Variants in RCOR1 observed in about 807,000 individuals in gnomAD.
RCOR1 encodes REST corepressor 1, also known as REST corepressor.
A neutral mutation model predicts 64.0 loss-of-function variants in RCOR1; 12 were observed. The observed-to-expected ratio is 0.19, with a 90% confidence interval of 0.12 to 0.30. The LOEUF is 0.30. Ranked by LOEUF, RCOR1 falls within the 10% of genes least tolerant of loss-of-function variation. The pLI is 1.00. For missense variants in RCOR1, 502 were observed against 621.2 expected, an observed-to-expected ratio of 0.81 and a Z score of 2.04; for synonymous variants, 279 against 227.2, an observed-to-expected ratio of 1.23 and a Z score of -2.05.
intron 2 of RCOR1, among the ~76,000 whole-genome samples, chr14:102,661,470 A>C (rs752297159): frequency 3.9e-5 from 6 of 152,254 alleles, no homozygotes; most frequent in Non-Finnish European, 7.3e-5. Context: ...ATGAAACTAC[A>C]GTATGTCTAT....
At chr14:102,705,998 G>C (rs1462390191) in intron 4 of RCOR1, among the ~76,000 whole-genome samples, 4 of 150,688 alleles carry the variant, frequency 2.7e-5, no homozygotes, top group African/African-American at 9.8e-5. Flanking sequence ...TGTAGTCCCA[G>C]CTGCTCAGGA....
At chr14:102,593,228 CG>C (rs1213344415) in intron 1 of RCOR1, 37 bp from the exon 2 acceptor site, 1 of 1,482,326 alleles carries the variant, frequency 6.7e-7, no homozygotes, top group Non-Finnish European at 8.9e-7. Flanking sequence ...CCCCGCGCCC[CG>C]CGCCGCGCTG....
intron 2 of RCOR1, among the ~76,000 whole-genome samples, chr14:102,678,069 GGC>G (rs1236190274): frequency 1.3e-5 from 2 of 151,468 alleles, no homozygotes; most frequent in Non-Finnish European, 2.9e-5. Context: ...CAGGCGTGGC[GGC>G]GCGCGCCTGC....
At chr14:102,683,648 C>CCTCT (rs926491398) in intron 3 of RCOR1, among the ~76,000 whole-genome samples, 4 of 152,344 alleles carry the variant, frequency 2.6e-5, no homozygotes, top group Admixed American at 2.0e-4. Context: ...GCCAAGCTCT[C>CCTCT]CTCTGGGGGC....
chr14:102,678,390 C>T (rs1895235761), intron 2 of RCOR1, among the ~76,000 whole-genome samples: 1 of 152,132 alleles, frequency 6.6e-6, no homozygotes, highest in Non-Finnish European at 1.5e-5. Context: ...AGCTCCGCCT[C>T]CTGGGTTCAA....
At chr14:102,681,848 A>G (rs778589410) in intron 2 of RCOR1, 47 bp from the exon 3 acceptor site, 82 of 1,332,976 alleles carry the variant, frequency 6.2e-5, no homozygotes, top group Non-Finnish European at 8.0e-5. Flanking sequence ...ATAGCTTATT[A>G]TATGTGTTAA....
At chr14:102,666,040 T>G (rs1227234954) in intron 2 of RCOR1, among the ~76,000 whole-genome samples, 1 of 152,144 alleles carries the variant, frequency 6.6e-6, no homozygotes, top group Non-Finnish European at 1.5e-5. Flanking sequence ...TGAAGAGGAA[T>G]GGACTGCTAA....
chr14:102,607,557 G>C (rs1289870734), intron 2 of RCOR1, among the ~76,000 whole-genome samples: 1 of 151,982 alleles, frequency 6.6e-6, no homozygotes, highest in Non-Finnish European at 1.5e-5. Context: ...GACCAGCCAG[G>C]CCAATATGGT....
intron 4 of RCOR1, among the ~76,000 whole-genome samples, chr14:102,705,183 C>T (rs939519791): frequency 5.3e-5 from 8 of 152,080 alleles, no homozygotes; most frequent in East Asian, 3.9e-4. Context: ...ATGGGATAAG[C>T]TCCTTGACCT....
At chr14:102,655,663 AAGG>A (rs1007831002) in intron 2 of RCOR1, 3 of 283,892 alleles carry the variant, frequency 1.1e-5, no homozygotes, top group East Asian at 1.8e-4. Context: ...CAAAAAAATG[AAGG>A]AGAAGGCTGA....
intron 2 of RCOR1, among the ~76,000 whole-genome samples, chr14:102,610,811 C>T (rs1893616079): frequency 6.6e-6 from 1 of 152,096 alleles, no homozygotes; most frequent in Non-Finnish European, 1.5e-5. Flanking sequence ...GCCTCAGCCT[C>T]CCAAAGTGCA....
In RCOR1 at chr14:102,713,725, A is replaced by G. The variant is rs540762461; in HGVS notation, c.859-698A>G. On this transcript the variant is annotated intron_variant, in intron 7 of 11. Transcript: ENST00000262241. ...GTATTACCCACTTGTTGAAGAAATT[A>G]TCACTACCATTATAGTTTTGCAGTG... Among the ~76,000 whole-genome samples, 94 of 152,344 alleles carry G rather than the reference A, an allele frequency of 6.2e-4. 1 individual carries two copies. The South Asian group carries it at 0.011, about 17-fold the overall frequency.
chr14:102,685,608 A>G (rs552337514), intron 3 of RCOR1, among the ~76,000 whole-genome samples: 3 of 151,596 alleles, frequency 2.0e-5, no homozygotes, highest in African/African-American at 7.3e-5. Flanking sequence ...TCAGCTTCCC[A>G]AGTAGCTGGG....
intron 4 of RCOR1, among the ~76,000 whole-genome samples, chr14:102,704,993 G>A (rs955920234): frequency 7.2e-5 from 11 of 152,148 alleles, no homozygotes; most frequent in Non-Finnish European, 1.6e-4. Context: ...AAACATGGTA[G>A]TGTGTGCCTG....
chr14:102,612,043 G>A (rs1338227741), intron 2 of RCOR1, among the ~76,000 whole-genome samples: 1 of 152,092 alleles, frequency 6.6e-6, no homozygotes, highest in African/African-American at 2.4e-5. Context: ...CAGGGTTCAA[G>A]CGATCATCCC....
chr14:102,717,413 T>G (rs573121232), intron 8 of RCOR1, among the ~76,000 whole-genome samples: 7 of 152,342 alleles, frequency 4.6e-5, no homozygotes, highest in Admixed American at 3.9e-4. Flanking sequence ...CCAAGCACAC[T>G]CTGTGTGCTC....
chr14:102,604,113 A>G (rs1294944381), intron 2 of RCOR1, among the ~76,000 whole-genome samples: 2 of 151,794 alleles, frequency 1.3e-5, no homozygotes, highest in Non-Finnish European at 2.9e-5. Context: ...AGAATTGACA[A>G]TTTTTTTTGT....
intron 2 of RCOR1, among the ~76,000 whole-genome samples, chr14:102,670,864 C>T (rs1281622121): frequency 6.6e-6 from 1 of 151,882 alleles, no homozygotes; most frequent in Non-Finnish European, 1.5e-5. Flanking sequence ...ACCTCTGCCT[C>T]CCGGGTTCAA....
At chr14:102,635,812 C>T (rs567464311) in intron 2 of RCOR1, among the ~76,000 whole-genome samples, 16 of 152,210 alleles carry the variant, frequency 1.1e-4, no homozygotes, top group South Asian at 6.2e-4. Flanking sequence ...TTGAGCCAGG[C>T]GTGGTGTCAT....
Sources: gnomAD v4.1 joint callset for allele counts (sites outside exome capture counted in the v4.1 genomes callset) on GRCh38, gnomAD v4.1.1 for gene constraint, MANE v1.5 for transcripts, NCBI Gene and HGNC (gene_info 2026-07-23, HGNC 2026-07-21) for gene names.